FHIT: variants seen among roughly 807,000 people sequenced by gnomAD.
FHIT encodes bis(5'-adenosyl)-triphosphatase.
In FHIT, 19 loss-of-function variants were observed where a neutral mutation model predicts 17.9. The ratio of observed to expected loss-of-function variants is 1.06; its 90% CI spans 0.74 to 1.56. The LOEUF (loss-of-function observed/expected upper bound fraction) is 1.56. Ranked by LOEUF, FHIT falls within the 40% of genes most tolerant of loss-of-function variation. The pLI is 0.00. For synonymous variants in FHIT, 81 were observed against 69.7 expected, an observed-to-expected ratio of 1.16 and a Z score of -0.81; for missense variants, 248 against 189.2, an observed-to-expected ratio of 1.31 and a Z score of -1.82.
intron 2 of FHIT, among the ~76,000 whole-genome samples, chr3:61,100,758 G>T (rs913995790): frequency 1.3e-5 from 2 of 152,156 alleles, no homozygotes; most frequent in African/African-American, 2.4e-5. Flanking sequence ...CATTCTAACT[G>T]GCATAAGATC....
At chr3:60,146,922 T>A (rs1700267462) in intron 5 of FHIT, among the ~76,000 whole-genome samples, 1 of 152,196 alleles carries the variant, frequency 6.6e-6, no homozygotes. Flanking sequence ...TGTCTTCAGT[T>A]ACAAATAGAT....
At chr3:60,576,863 C>T (rs1553657777) in intron 4 of FHIT, among the ~76,000 whole-genome samples, 2 of 151,702 alleles carry the variant, frequency 1.3e-5, no homozygotes, top group African/African-American at 2.4e-5. Flanking sequence ...ATACATTTTA[C>T]TAGGCACTTT....
At chr3:61,068,197 C>T (rs1426571372) in intron 2 of FHIT, among the ~76,000 whole-genome samples, 1 of 152,198 alleles carries the variant, frequency 6.6e-6, no homozygotes, top group African/African-American at 2.4e-5. Flanking sequence ...GGTCAGAAGT[C>T]TGACACAACT....
chr3:60,252,270 C>A lies in FHIT; in HGVS notation c.104-238118G>T, dbSNP rs538143734. 9.9e-5 allele frequency among the ~76,000 whole-genome samples: 15 copies of A among 152,178 alleles called. No homozygotes were observed. The South Asian group carries it at 3.1e-3, about 32-fold the overall frequency. Reference sequence around the variant, plus strand: ...AACAGTGCTTTATATTGGACATTAACAAACAAAAGGAACCTGTAATCCCAG... The same window carrying A: ...AACAGTGCTTTATATTGGACATTAAAAAACAAAAGGAACCTGTAATCCCAG... On this transcript the variant is annotated intron_variant, in intron 5 of 9. Coordinates refer to ENST00000492590, the MANE Select transcript of FHIT (RefSeq NM_002012.4).
chr3:59,972,869 T>C (rs1052693318), intron 7 of FHIT, among the ~76,000 whole-genome samples: 2 of 152,092 alleles, frequency 1.3e-5, no homozygotes, highest in Non-Finnish European at 2.9e-5. Flanking sequence ...CCCTACCTAG[T>C]GCTTTCATCA....
intron 5 of FHIT, among the ~76,000 whole-genome samples, chr3:60,164,114 T>C (rs919016557): frequency 2.0e-5 from 3 of 152,140 alleles, no homozygotes; most frequent in Non-Finnish European, 4.4e-5. Context: ...TAAACTTAAG[T>C]AGGTAGCTAG....
At chr3:59,924,243 A>G (rs1356581847) in intron 7 of FHIT, among the ~76,000 whole-genome samples, 1 of 152,052 alleles carries the variant, frequency 6.6e-6, no homozygotes, top group Non-Finnish European at 1.5e-5. Flanking sequence ...TAATTCCAGA[A>G]TCTCCTGCCA....
At chr3:60,283,775 G>A (rs537365747) in intron 5 of FHIT, among the ~76,000 whole-genome samples, 1 of 152,002 alleles carries the variant, frequency 6.6e-6, no homozygotes, top group East Asian at 1.9e-4. Context: ...TATGCAATTG[G>A]ACTAAATAAT....
intron 5 of FHIT, among the ~76,000 whole-genome samples, chr3:60,265,013 C>T (rs1056265035): frequency 1.3e-5 from 2 of 151,838 alleles, no homozygotes; most frequent in Non-Finnish European, 2.9e-5. Flanking sequence ...TTTTCACCGG[C>T]TTGGGGGTGA....
chr3:60,603,674 T>A (rs547962758), intron 4 of FHIT, among the ~76,000 whole-genome samples: 31 of 152,290 alleles, frequency 2.0e-4, no homozygotes, highest in Middle Eastern at 3.4e-3. Flanking sequence ...AGTATAAATG[T>A]ATCTCTTTCA....
intron 5 of FHIT, among the ~76,000 whole-genome samples, chr3:60,373,433 C>G (rs1316682019): frequency 4.6e-5 from 7 of 152,120 alleles, no homozygotes; most frequent in Admixed American, 4.6e-4. Context: ...GTACAGAGAG[C>G]AAGGCACGAT....
chr3:60,259,644 T>C (rs537059464), intron 5 of FHIT, among the ~76,000 whole-genome samples: 2 of 152,250 alleles, frequency 1.3e-5, no homozygotes, highest in Admixed American at 1.3e-4. Flanking sequence ...GTACTATTAT[T>C]ATCCCCACTT....
At chr3:60,936,451 A>ACTCAGTTT (rs1708193991) in intron 3 of FHIT, among the ~76,000 whole-genome samples, 1 of 152,240 alleles carries the variant, frequency 6.6e-6, no homozygotes, top group Non-Finnish European at 1.5e-5. Flanking sequence ...CTTCTGTGAA[A>ACTCAGTTT]TGACGAATAC....
intron 2 of FHIT, among the ~76,000 whole-genome samples, chr3:61,113,791 T>A (rs960603257): frequency 9.2e-5 from 14 of 152,136 alleles, no homozygotes; most frequent in Non-Finnish European, 1.8e-4. Flanking sequence ...ATTTGAGGAA[T>A]AAATGAAGGA....
At chr3:60,583,101 T>C (rs2037798839) in intron 4 of FHIT, among the ~76,000 whole-genome samples, 2 of 151,842 alleles carry the variant, frequency 1.3e-5, no homozygotes, top group Admixed American at 6.6e-5. Context: ...GAAAAAACTC[T>C]CTTTACACAG....
intron 5 of FHIT, among the ~76,000 whole-genome samples, chr3:60,102,854 C>T (rs1388332803): frequency 1.3e-5 from 2 of 152,084 alleles, no homozygotes; most frequent in Non-Finnish European, 2.9e-5. Context: ...CATATCAAAC[C>T]ACACAAGTCC....
chr3:61,235,489 G>T (rs567962642), intron 1 of FHIT, among the ~76,000 whole-genome samples: 1 of 152,232 alleles, frequency 6.6e-6, no homozygotes, highest in South Asian at 2.1e-4. Context: ...ATAGATCATG[G>T]ACCTGAAATT....
chr3:60,701,268 C>A (rs1374718850), intron 4 of FHIT, among the ~76,000 whole-genome samples: 1 of 152,018 alleles, frequency 6.6e-6, no homozygotes. Context: ...GGACTACAGG[C>A]ATGTGCCACT....
intron 3 of FHIT, among the ~76,000 whole-genome samples, chr3:61,006,348 C>T (rs1303076652): frequency 6.6e-6 from 1 of 152,032 alleles, no homozygotes; most frequent in Non-Finnish European, 1.5e-5. Context: ...TGAACAAAAA[C>T]GTTATTAAAA....
Sources: gnomAD v4.1 joint callset for allele counts (sites outside exome capture counted in the v4.1 genomes callset) on GRCh38, gnomAD v4.1.1 for gene constraint, MANE v1.5 for transcripts, NCBI Gene and HGNC (gene_info 2026-07-23, HGNC 2026-07-21) for gene names.